Variants in TCF12 observed in about 807,000 individuals in gnomAD.
The protein encoded by TCF12 is DNA-binding protein HTF4.
TCF12 carries 45 observed loss-of-function variants against 86.0 expected under a neutral mutation model. The observed-to-expected ratio is 0.52, with a 90% confidence interval of 0.41 to 0.67. TCF12 has a LOEUF of 0.67. Among genes scored for constraint, TCF12 ranks in the 30% least tolerant of loss-of-function variants. TCF12 has a pLI of 0.00. For synonymous variants in TCF12, 330 were observed against 299.6 expected, an observed-to-expected ratio of 1.10 and a Z score of -1.05; for missense variants, 881 against 859.9, an observed-to-expected ratio of 1.02 and a Z score of -0.31.
intron 14 of TCF12, 119 bp downstream of exon 14, chr15:57,251,542 A>T (rs2060118334): frequency 1.0e-6 from 1 of 952,878 alleles, no homozygotes; most frequent in African/African-American, 1.6e-5. Flanking sequence ...CTTTGCTAAC[A>T]AATGGCTGAT....
At chr15:57,070,881 AGT>A (rs2069316249) in intron 4 of TCF12, among the ~76,000 whole-genome samples, 2 of 152,112 alleles carry the variant, frequency 1.3e-5, no homozygotes, top group African/African-American at 4.8e-5. Context: ...ATGCCTTAAG[AGT>A]GTATCTATGG....
At chr15:56,924,812 C>A (rs575317116) in intron 3 of TCF12, among the ~76,000 whole-genome samples, 1 of 152,098 alleles carries the variant, frequency 6.6e-6, no homozygotes, top group African/African-American at 2.4e-5. Flanking sequence ...TAGAGAAAAC[C>A]TGTTTATGAA....
intron 3 of TCF12, among the ~76,000 whole-genome samples, chr15:56,982,897 G>A (rs955385495): frequency 5.9e-5 from 9 of 152,126 alleles, no homozygotes; most frequent in Non-Finnish European, 1.3e-4. Context: ...TTTTGAAGTA[G>A]CATCAGAGTA....
chr15:57,055,046 C>CT (rs1424560125), intron 3 of TCF12, among the ~76,000 whole-genome samples: 1 of 151,926 alleles, frequency 6.6e-6, no homozygotes, highest in African/African-American at 2.4e-5. Context: ...AAAAATTAGT[C>CT]TTTTTATTTA....
At chr15:57,244,186 A>G (rs1426472565) in intron 13 of TCF12, among the ~76,000 whole-genome samples, 1 of 152,048 alleles carries the variant, frequency 6.6e-6, no homozygotes, top group African/African-American at 2.4e-5. Flanking sequence ...CCCCCCAAAA[A>G]ATGGTTTTTA....
chr15:57,022,225 A>AC (rs1374755761), intron 3 of TCF12, among the ~76,000 whole-genome samples: 1 of 146,736 alleles, frequency 6.8e-6, no homozygotes, highest in Non-Finnish European at 1.5e-5. Context: ...CCAGCTCCCC[A>AC]CCCCCCGATA....
At chr15:57,271,385 C>T (rs967649049) in intron 18 of TCF12, among the ~76,000 whole-genome samples, 2 of 152,222 alleles carry the variant, frequency 1.3e-5, no homozygotes, top group Admixed American at 1.3e-4. Flanking sequence ...GGGCCTGGGA[C>T]CCACCAGGCC....
chr15:57,121,359 A>G (rs920229875), intron 5 of TCF12, among the ~76,000 whole-genome samples: 1 of 152,220 alleles, frequency 6.6e-6, no homozygotes, highest in East Asian at 1.9e-4. Context: ...TATTTGAACA[A>G]TAGTGTTTGC....
At chr15:57,188,138 C>A (rs976165330) in intron 6 of TCF12, among the ~76,000 whole-genome samples, 1 of 151,114 alleles carries the variant, frequency 6.6e-6, no homozygotes, top group Admixed American at 6.6e-5. Flanking sequence ...TAGTAATAAA[C>A]CAAAAATAAA....
intron 18 of TCF12, among the ~76,000 whole-genome samples, 172 bp downstream of exon 18, chr15:57,263,446 A>G (rs1337432783): frequency 6.6e-6 from 1 of 152,212 alleles, no homozygotes; most frequent in African/African-American, 2.4e-5. Context: ...AAAGAGAAGT[A>G]TATGAAGGTT....
intron 19 of TCF12, among the ~76,000 whole-genome samples, chr15:57,276,129 T>C (rs902479023): frequency 5.3e-5 from 8 of 152,228 alleles, no homozygotes; most frequent in African/African-American, 1.9e-4. Context: ...CAGGTCACTG[T>C]TCTTTTGATA....
At chr15:57,224,726 C>T (rs1383947352) in intron 8 of TCF12, among the ~76,000 whole-genome samples, 3 of 152,128 alleles carry the variant, frequency 2.0e-5, no homozygotes, top group Non-Finnish European at 4.4e-5. Flanking sequence ...AAAATATAAA[C>T]ACATATTTAT....
Position 57,208,380 on chromosome 15 carries a change from C to CTTTTTTTTTTTTTTTTTTTTTTTT in TCF12, c.579+10574_579+10575insTTTTTTTTTTTTTTTTTTTTTTTT, listed in dbSNP as rs1184422578. Among the ~76,000 whole-genome samples the CTTTTTTTTTTTTTTTTTTTTTTTT allele has an allele frequency of 4.7e-4, 31 of 65,588 alleles. 4 individuals carry two copies. The highest frequency in any genetic ancestry group is 1.4e-3 in the African/African-American group (21 of 14,844). 43.0% of individuals were successfully genotyped at this position (65,588 alleles called of 152,430 possible). A position where few individuals can be genotyped will look rare whatever the true frequency, so the allele number is the denominator to read the frequency against. ...ACCTTGTTCTTTGGACAAAAATATC[C>CTTTTTTTTTTTTTTTTTTTTTTTT]TTTTTTTTTTTTTTTTTTTGGAGAC... On this transcript the variant is annotated intron_variant, in intron 8 of 20. Coordinates refer to ENST00000333725, the MANE Select transcript of TCF12 (RefSeq NM_207037.2).
At chr15:56,921,788 G>A (rs576324317) in intron 3 of TCF12, among the ~76,000 whole-genome samples, 1 of 151,998 alleles carries the variant, frequency 6.6e-6, no homozygotes, top group East Asian at 1.9e-4. Context: ...ATGATAGTTG[G>A]TTTCTTAAAA....
Position 57,225,220 on chromosome 15 carries a change from CTTTTTTTTTTTTTT to C in TCF12, c.580-5914_580-5901del, listed in dbSNP as rs139530756. 9.8e-3 allele frequency among the ~76,000 whole-genome samples: 390 copies of C among 39,800 alleles called. 6 individuals are homozygous for C. The highest frequency in any genetic ancestry group is 0.038 in the African/African-American group (367 of 9,682). The allele number at this position is 39,800 out of a possible 152,430, so 26.1% of individuals were successfully genotyped here. On this transcript the variant is annotated intron_variant, in intron 8 of 20. Transcript: ENST00000333725. ...TTACCATTTAGGTTACTGATATATGCTTTTTTTTTTTTTTTTTTTTTTTTTTTTTTTAAGACGGA... is the reference window on the plus strand; with the variant it reads ...TTACCATTTAGGTTACTGATATATGCTTTTTTTTTTTTTTTTTAAGACGGA...
At chr15:57,139,667 AAGTT>A (rs2052813107) in intron 5 of TCF12, among the ~76,000 whole-genome samples, 1 of 152,178 alleles carries the variant, frequency 6.6e-6, no homozygotes, top group Non-Finnish European at 1.5e-5. Flanking sequence ...CAAAAAAAAA[AAGTT>A]AGAGCATTAT....
chr15:57,164,776 G>A (rs368938597), intron 5 of TCF12, among the ~76,000 whole-genome samples: 7 of 152,292 alleles, frequency 4.6e-5, no homozygotes, highest in African/African-American at 1.4e-4. Flanking sequence ...TGCCTCCTGG[G>A]TTCAAATGAT....
chr15:57,283,921 AAAG>A (rs1567051982), intron 20 of TCF12, among the ~76,000 whole-genome samples: 2 of 152,340 alleles, frequency 1.3e-5, no homozygotes, highest in East Asian at 1.9e-4. Context: ...GGGTAAAAGA[AAAG>A]AAGAGTTAAG....
chr15:57,233,904 C>T, intron 11 of TCF12, 139 bp from the exon 12 acceptor site: 1 of 662,520 alleles, frequency 1.5e-6, no homozygotes, highest in Non-Finnish European at 2.7e-6. Flanking sequence ...TTAATAAGTA[C>T]AACACATGTA....
Sources: allele counts gnomAD v4.1 joint callset (sites outside exome capture counted in the v4.1 genomes callset), GRCh38; gene constraint gnomAD v4.1.1; transcripts MANE v1.5; gene names NCBI Gene and HGNC (gene_info 2026-07-23, HGNC 2026-07-21).